PPP2R2B: variants seen among roughly 807,000 people sequenced by gnomAD.
The protein encoded by PPP2R2B is protein phosphatase 2 regulatory subunit Bbeta, also known as serine/threonine-protein phosphatase 2A 55 kDa regulatory subunit B beta isoform.
A neutral mutation model predicts 46.0 loss-of-function variants in PPP2R2B; 5 were observed. That is an observed-to-expected ratio of 0.11 (90% CI 0.06 to 0.23). The LOEUF (loss-of-function observed/expected upper bound fraction) is 0.23. PPP2R2B is among the 10% of genes least tolerant of loss of function. The pLI is 1.00. For missense variants in PPP2R2B, 367 were observed against 575.0 expected (o/e 0.64, Z 3.70); for synonymous variants, 215 against 206.7 (o/e 1.04, Z -0.34).
At position 147,003,331 on chromosome 5, in the gene PPP2R2B, T is replaced by C. The variant is rs150325960; in HGVS notation, c.79+52334A>G. ...AAAAAAACCCCCGGGCTATAGGTTA[T>C]GTCCCCTTCAAGCTGTAGGGAGAGG... On this transcript the variant is annotated intron_variant, in intron 1 of 8. Transcript: ENST00000336640. Among the ~76,000 whole-genome samples the C allele has an allele frequency of 5.7e-4, 87 of 152,198 alleles. 2 individuals carry two copies. The East Asian group carries it at 0.016, about 28-fold the overall frequency.
At chr5:147,063,993 ATGT>A (rs972750543) in intron 2 of PPP2R2B, among the ~76,000 whole-genome samples, 10 of 152,168 alleles carry the variant, frequency 6.6e-5, no homozygotes, top group African/African-American at 2.4e-4. Flanking sequence ...AGAGGAGAAA[ATGT>A]TGTACCTGTT....
intron 3 of PPP2R2B, among the ~76,000 whole-genome samples, chr5:146,700,582 C>T (rs1051281388): frequency 1.3e-5 from 2 of 152,130 alleles, no homozygotes; most frequent in Admixed American, 6.5e-5. Context: ...TGGCCTTTTA[C>T]CCCCTTAGGT....
intron 2 of PPP2R2B, among the ~76,000 whole-genome samples, chr5:146,834,102 G>A (rs1004180769): frequency 6.6e-6 from 1 of 152,094 alleles, no homozygotes; most frequent in Admixed American, 6.6e-5. Flanking sequence ...TACCTTGAAT[G>A]CTAAAAAGGA....
intron 1 of PPP2R2B, among the ~76,000 whole-genome samples, chr5:146,979,043 A>G (rs1753042117): frequency 6.6e-6 from 1 of 152,216 alleles, no homozygotes; most frequent in African/African-American, 2.4e-5. Context: ...GATGTATTTA[A>G]GAATGGCTTC....
intron 2 of PPP2R2B, among the ~76,000 whole-genome samples, chr5:146,861,667 T>G (rs1761009584): frequency 6.6e-6 from 1 of 152,228 alleles, no homozygotes; most frequent in Non-Finnish European, 1.5e-5. Context: ...TCATACATTA[T>G]AAACAATATA....
At chr5:147,040,955 T>A in intron 1 of PPP2R2B, 1 of 358,194 alleles carries the variant, frequency 2.8e-6, no homozygotes, top group Non-Finnish European at 5.5e-6. Context: ...TTATAGTGTA[T>A]CCTTGAGGTG....
chr5:146,638,259 T>C lies in PPP2R2B; in HGVS notation c.782A>G (p.His261Arg). Reference sequence around the variant, plus strand: ...CTTCAGTTGCTACTCACATTTGGTGTGCCTGTCACACAGGGCAGATGCCCG... The same window carrying C: ...CTTCAGTTGCTACTCACATTTGGTGCGCCTGTCACACAGGGCAGATGCCCG... ...DMRASALCDR[H>R]TKFFEEPEDP... The change falls in exon 7 of 10, where the codon CAC becomes CGC. Residue 261 changes from histidine (H) to arginine (R), a missense_variant. This residue lies in a region of PPP2R2B where 361 missense variants were observed against 545.5 expected (regional missense o/e 0.66). Coordinates refer to ENST00000394411, the MANE Select transcript of PPP2R2B (RefSeq NM_181675.4). 1 of 1,613,168 alleles carries C rather than the reference T, an allele frequency of 6.2e-7. No individual in the cohort carries two copies. The highest frequency in any genetic ancestry group is 8.5e-7 in the Non-Finnish European group (1 of 1,179,292).
At chr5:146,893,856 T>G (rs1405083199) in intron 1 of PPP2R2B, among the ~76,000 whole-genome samples, 1 of 141,420 alleles carries the variant, frequency 7.1e-6, no homozygotes, top group Non-Finnish European at 1.5e-5. Context: ...ATTCAGCACA[T>G]GTATCCCAGA....
intron 2 of PPP2R2B, among the ~76,000 whole-genome samples, chr5:146,799,181 A>G (rs1201665566): frequency 6.6e-6 from 1 of 152,186 alleles, no homozygotes; most frequent in African/African-American, 2.4e-5. Context: ...CTTAGAGCAA[A>G]TCTTGTTTTC....
At chr5:147,047,130 C>T (rs1756580902) in intron 1 of PPP2R2B, among the ~76,000 whole-genome samples, 2 of 151,982 alleles carry the variant, frequency 1.3e-5, no homozygotes, top group South Asian at 4.2e-4. Context: ...TTCTTCCTAT[C>T]ACCATGTTGT....
rs144615667 is a variant in PPP2R2B at position 146,771,740 on chromosome 5, C to T, written c.71-70598G>A. Among the ~76,000 whole-genome samples the T allele has an allele frequency of 1.2e-3, 182 of 152,262 alleles. 1 individual carries two copies. Among genetic ancestry groups the T allele is most frequent in the African/African-American group, 3.9e-3 (161 of 41,556 alleles). On this transcript the variant is annotated intron_variant, in intron 2 of 9. Coordinates refer to ENST00000394411, the MANE Select transcript of PPP2R2B (RefSeq NM_181675.4). ...TCCAAACAATTTTTCTATTTTTCTT[C>T]GGTATATAGCTAATCTGTGTTTCCC...
At chr5:146,994,377 G>C (rs546395703) in intron 1 of PPP2R2B, among the ~76,000 whole-genome samples, 1 of 152,250 alleles carries the variant, frequency 6.6e-6, no homozygotes, top group East Asian at 1.9e-4. Context: ...GCTTCCTCCA[G>C]AAGCCAACTC....
At chr5:147,037,321 C>T (rs1385930889) in intron 1 of PPP2R2B, among the ~76,000 whole-genome samples, 2 of 151,886 alleles carry the variant, frequency 1.3e-5, no homozygotes, top group East Asian at 3.9e-4. Context: ...GCAAGAAAAA[C>T]ATAGCTACAT....
intron 9 of PPP2R2B, 104 bp from the exon 10 acceptor site, chr5:146,590,330 A>AAAAAC: frequency 8.1e-7 from 1 of 1,227,562 alleles, no homozygotes; most frequent in Non-Finnish European, 1.1e-6. Context: ...AGGTTTTATT[A>AAAAAC]AAAACAAAAA....
At chr5:146,728,371 T>A (rs921014045) in intron 2 of PPP2R2B, among the ~76,000 whole-genome samples, 1 of 152,180 alleles carries the variant, frequency 6.6e-6, no homozygotes, top group African/African-American at 2.4e-5. Flanking sequence ...AGATTATCAC[T>A]TATTAAGCAG....
At chr5:147,061,767 GCCCAGTGC>G (rs1757265785) in intron 2 of PPP2R2B, among the ~76,000 whole-genome samples, 1 of 152,124 alleles carries the variant, frequency 6.6e-6, no homozygotes, top group Admixed American at 6.6e-5. Context: ...AAGAAAAAAA[GCCCAGTGC>G]CTCACAACAG....
intron 2 of PPP2R2B, among the ~76,000 whole-genome samples, chr5:146,728,265 A>G (rs1345515811): frequency 6.6e-6 from 1 of 151,744 alleles, no homozygotes; most frequent in East Asian, 1.9e-4. Context: ...GGAAGGGGAA[A>G]AATGTTTTCT....
intron 2 of PPP2R2B, among the ~76,000 whole-genome samples, chr5:146,816,803 A>G (rs936176589): frequency 1.3e-5 from 2 of 152,230 alleles, no homozygotes; most frequent in Non-Finnish European, 2.9e-5. Context: ...TCCAAAATCC[A>G]TGTTCTAATT....
rs1353876434 is a variant in PPP2R2B, at chr5:146,707,531, G to A, written c.71-6389C>T. 8 of 728,160 alleles carry A rather than the reference G, an allele frequency of 1.1e-5. No homozygotes were observed. The South Asian group carries it at 1.1e-4, about 10-fold the overall frequency. 45.1% of individuals were successfully genotyped at this position (728,160 alleles called of 1,614,324 possible). ...GCAGACACCAGGCCCACTCGTGTAG[G>A]AGCAGCTGCAGAAGGCCCGGGTGCC... On this transcript the variant is annotated intron_variant, in intron 2 of 9. Coordinates refer to ENST00000394411, the MANE Select transcript of PPP2R2B (RefSeq NM_181675.4).
Sources: gnomAD v4.1 joint callset for allele counts (sites outside exome capture counted in the v4.1 genomes callset) on GRCh38, gnomAD v4.1.1 for gene constraint, gnomAD v4.1.1 regional missense constraint, MANE v1.5 for transcripts, NCBI Gene and HGNC (gene_info 2026-07-23, HGNC 2026-07-21) for gene names.